KLF12: variants seen among roughly 807,000 people sequenced by gnomAD.
KLF12 encodes the protein KLF transcription factor 12.
In KLF12, 9 loss-of-function variants were observed where a neutral mutation model predicts 37.8. That is an observed-to-expected ratio of 0.24 (90% CI 0.14 to 0.42). KLF12 has a LOEUF of 0.42. Among genes scored for constraint, KLF12 ranks in the 10% least tolerant of loss-of-function variants. The pLI is 1.00. For missense variants in KLF12, 411 were observed against 516.0 expected, an observed-to-expected ratio of 0.80 and a Z score of 1.97; for synonymous variants, 208 against 202.1, an observed-to-expected ratio of 1.03 and a Z score of -0.25.
At chr13:74,038,894 C>T (rs1048983458) in intron 1 of KLF12, among the ~76,000 whole-genome samples, 3 of 150,900 alleles carry the variant, frequency 2.0e-5, no homozygotes, top group African/African-American at 4.9e-5. Context: ...AACTTAGGGA[C>T]GATAACATCC....
In KLF12 at chr13:73,813,013, C is replaced by T. The variant is rs181653605; in HGVS notation, c.806+139G>A. ...CTGCCCTAATCTCCCAAAGAGCATTCAGCTGAATGAAAAGCTGCTGACATT... is the reference window on the plus strand; with the variant it reads ...CTGCCCTAATCTCCCAAAGAGCATTTAGCTGAATGAAAAGCTGCTGACATT... On this transcript the variant is annotated intron_variant, in intron 5 of 7. Transcript: ENST00000377669. The T allele has an allele frequency of 1.2e-4, 100 of 823,400 alleles. No individual in the cohort carries two copies. The African/African-American group carries it at 1.6e-3, about 13-fold the overall frequency. The allele number at this position is 823,400 out of a possible 1,614,324, so 51.0% of individuals were successfully genotyped here.
intron 3 of KLF12, among the ~76,000 whole-genome samples, chr13:73,901,642 A>G (rs1888046442): frequency 6.6e-6 from 1 of 152,172 alleles, no homozygotes; most frequent in African/African-American, 2.4e-5. Flanking sequence ...CCTGACTAAT[A>G]GGTTCTTGCT....
chr13:73,820,904 T>G (rs1883491285), intron 4 of KLF12, among the ~76,000 whole-genome samples: 1 of 152,198 alleles, frequency 6.6e-6, no homozygotes, highest in South Asian at 2.1e-4. Flanking sequence ...TCCCTTGGCC[T>G]CGGGGATAGG....
intron 1 of KLF12, among the ~76,000 whole-genome samples, chr13:74,086,359 AC>A (rs1371722443): frequency 1.4e-5 from 2 of 146,012 alleles, no homozygotes; most frequent in African/African-American, 5.1e-5. Flanking sequence ...ATGAGTGAGA[AC>A]ATGCGGTGTT....
chr13:73,971,277 T>C (rs1279154899), intron 2 of KLF12, among the ~76,000 whole-genome samples: 1 of 152,138 alleles, frequency 6.6e-6, no homozygotes, highest in Non-Finnish European at 1.5e-5. Context: ...ATGAGGATAA[T>C]GGTTTGGGCG....
At chr13:73,749,361 T>C (rs1359377360) in intron 6 of KLF12, among the ~76,000 whole-genome samples, 2 of 152,204 alleles carry the variant, frequency 1.3e-5, no homozygotes, top group Non-Finnish European at 2.9e-5. Flanking sequence ...TCCAGAGTTT[T>C]AATGTTTGAA....
chr13:74,079,037 G>A (rs1369312419), intron 1 of KLF12, among the ~76,000 whole-genome samples: 2 of 152,072 alleles, frequency 1.3e-5, no homozygotes, highest in African/African-American at 2.4e-5. Context: ...CTTGATATAC[G>A]GTATTCTCTT....
At chr13:74,211,724 C>T in the KLF12 span, among the ~76,000 whole-genome samples, 1 of 152,128 alleles carries the variant, frequency 6.6e-6, no homozygotes, top group Non-Finnish European at 1.5e-5. Flanking sequence ...AGTGATTGTA[C>T]TCCTTTTCCA....
At chr13:74,302,258 A>G in the KLF12 span, among the ~76,000 whole-genome samples, 1 of 152,164 alleles carries the variant, frequency 6.6e-6, no homozygotes, top group South Asian at 2.1e-4. Flanking sequence ...TGATTGGAAA[A>G]TAAGTAATGC....
At chr13:73,696,191 T>C (rs1457978095) in intron 7 of KLF12, among the ~76,000 whole-genome samples, 2 of 152,068 alleles carry the variant, frequency 1.3e-5, no homozygotes, top group African/African-American at 4.8e-5. Context: ...TACCTCCAGA[T>C]ATCAGGTATT....
chr13:74,242,923 A>G, the KLF12 span, among the ~76,000 whole-genome samples: 316 of 152,326 alleles, frequency 2.1e-3, no homozygotes, highest in Admixed American at 3.3e-3. Flanking sequence ...ATGAATCTTC[A>G]TTTGGTGGCA....
chr13:73,852,637 C>A (rs1049465044), intron 3 of KLF12, among the ~76,000 whole-genome samples: 1 of 151,678 alleles, frequency 6.6e-6, no homozygotes, highest in Non-Finnish European at 1.5e-5. Context: ...ATTAGCCGGG[C>A]GTGGTGGCGC....
At chr13:73,884,239 T>C (rs538637520) in intron 3 of KLF12, among the ~76,000 whole-genome samples, 3 of 152,262 alleles carry the variant, frequency 2.0e-5, no homozygotes, top group Non-Finnish European at 4.4e-5. Flanking sequence ...TGTACCTATA[T>C]TCTTCTCTTT....
chr13:73,968,699 G>T (rs571811732), intron 2 of KLF12, among the ~76,000 whole-genome samples: 1 of 152,100 alleles, frequency 6.6e-6, no homozygotes, highest in African/African-American at 2.4e-5. Flanking sequence ...GAATATTTTT[G>T]CAAACTCCAC....
the KLF12 span, among the ~76,000 whole-genome samples, chr13:74,143,752 G>A: frequency 9.9e-5 from 15 of 152,118 alleles, 1 homozygote; most frequent in Non-Finnish European, 1.6e-4. Context: ...TATGCATTCA[G>A]TAGAAGCCAT....
chr13:74,131,042 A>C (rs7995668), intron 1 of KLF12, among the ~76,000 whole-genome samples: 29,087 of 152,202 alleles, frequency 0.19, 3,577 homozygotes, highest in African/African-American at 0.35. Context: ...AGGTTACCCC[A>C]AACTCTAGAT....
intron 2 of KLF12, among the ~76,000 whole-genome samples, chr13:73,987,868 G>A (rs1158769936): frequency 6.6e-6 from 1 of 151,914 alleles, no homozygotes; most frequent in Non-Finnish European, 1.5e-5. Flanking sequence ...GGAACTGCAG[G>A]GAGAGGGAGG....
At chr13:73,933,821 GT>G (rs201278050) in intron 3 of KLF12, among the ~76,000 whole-genome samples, 1 of 150,892 alleles carries the variant, frequency 6.6e-6, no homozygotes, top group African/African-American at 2.4e-5. Context: ...TTCAAAAAAT[GT>G]TTTTTTTTAA....
intron 2 of KLF12, among the ~76,000 whole-genome samples, chr13:73,953,953 GGTTTT>G (rs1430601805): frequency 6.7e-6 from 1 of 148,260 alleles, no homozygotes; most frequent in African/African-American, 2.5e-5. Flanking sequence ...TAAGTAATTA[GGTTTT>G]GTTTTTTCTT....
Sources: allele counts gnomAD v4.1 joint callset (sites outside exome capture counted in the v4.1 genomes callset), GRCh38; gene constraint gnomAD v4.1.1; transcripts MANE v1.5; gene names NCBI Gene and HGNC (gene_info 2026-07-23, HGNC 2026-07-21).